ENOX1: variants seen among roughly 807,000 people sequenced by gnomAD.
The protein encoded by ENOX1 is ecto-NOX disulfide-thiol exchanger 1, also known as candidate growth-related and time keeping constitutive hydroquinone (NADH) oxidase.
Under a neutral mutation model 82.5 loss-of-function variants are expected in ENOX1, and 42 were observed. The observed-to-expected ratio is 0.51, with a 90% CI of 0.40 to 0.66. The LOEUF (loss-of-function observed/expected upper bound fraction) is 0.66, where lower values mean the gene tolerates loss of function less well. ENOX1 is among the 30% of genes least tolerant of loss of function. The pLI, the probability that ENOX1 is intolerant of heterozygous loss-of-function variation, is 0.00. For synonymous variants in ENOX1, 271 were observed against 282.2 expected, an observed-to-expected ratio of 0.96 and a Z score of 0.40; for missense variants, 608 against 811.6, an observed-to-expected ratio of 0.75 and a Z score of 3.05.
chr13:43,319,288 C>T (rs2047680419), intron 11 of ENOX1, among the ~76,000 whole-genome samples: 1 of 151,862 alleles, frequency 6.6e-6, no homozygotes, highest in South Asian at 2.1e-4. Flanking sequence ...ACTCCTTTTC[C>T]CCTTTAAGAT....
At chr13:43,225,908 A>G (rs2042004373) in intron 15 of ENOX1, among the ~76,000 whole-genome samples, 1 of 152,204 alleles carries the variant, frequency 6.6e-6, no homozygotes, top group African/African-American at 2.4e-5. Context: ...ACAAAGAACT[A>G]CCACTTCATT....
At chr13:43,643,646 T>TACACACAC in intron 2 of ENOX1, among the ~76,000 whole-genome samples, 1 of 151,280 alleles carries the variant, frequency 6.6e-6, no homozygotes, top group Non-Finnish European at 1.5e-5. Flanking sequence ...TATATATATA[T>TACACACAC]ATACACACAC....
intron 3 of ENOX1, among the ~76,000 whole-genome samples, chr13:43,483,652 A>G (rs895396366): frequency 1.3e-5 from 2 of 152,214 alleles, no homozygotes; most frequent in Admixed American, 6.5e-5. Flanking sequence ...ATTTATCCAC[A>G]AGGTCTTAAA....
chr13:43,543,187 G>GT (rs2078818599), intron 2 of ENOX1, among the ~76,000 whole-genome samples: 2 of 152,110 alleles, frequency 1.3e-5, no homozygotes, highest in South Asian at 4.1e-4. Flanking sequence ...TTCTTCTACT[G>GT]TTTGTTATAG....
intron 11 of ENOX1, among the ~76,000 whole-genome samples, chr13:43,306,340 T>C (rs1273736574): frequency 6.6e-6 from 1 of 152,200 alleles, no homozygotes; most frequent in East Asian, 1.9e-4. Context: ...CCACTCTTCC[T>C]TTTCTTTTAA....
intron 1 of ENOX1, among the ~76,000 whole-genome samples, chr13:43,721,563 A>G (rs2088584075): frequency 6.6e-6 from 1 of 151,532 alleles, no homozygotes. Context: ...TGTTTTTAGT[A>G]GAGACGGGGT....
chr13:43,700,258 G>A (rs421787), intron 1 of ENOX1, among the ~76,000 whole-genome samples: 139,627 of 152,226 alleles, frequency 0.92, 64,323 homozygotes, highest in East Asian at 1. Flanking sequence ...AAATGAACAA[G>A]CTTCAAGAAG....
intron 2 of ENOX1, among the ~76,000 whole-genome samples, chr13:43,538,756 G>A (rs1373699229): frequency 6.6e-6 from 1 of 151,974 alleles, no homozygotes; most frequent in East Asian, 1.9e-4. Context: ...TATAGTTTTA[G>A]TCTCTTCTTT....
intron 3 of ENOX1, among the ~76,000 whole-genome samples, chr13:43,431,358 G>C (rs903617118): frequency 6.6e-6 from 1 of 152,100 alleles, no homozygotes; most frequent in African/African-American, 2.4e-5. Flanking sequence ...GTTCCTCCAG[G>C]TAACTGCGCA....
chr13:43,441,940 C>A (rs12874165), intron 3 of ENOX1, among the ~76,000 whole-genome samples: 6,330 of 151,980 alleles, frequency 0.042, 176 homozygotes, highest in Non-Finnish European at 0.059. Flanking sequence ...ATCAGTTTTA[C>A]TACTTAATTA....
At chr13:43,258,650 A>T (rs2043885122) in intron 14 of ENOX1, among the ~76,000 whole-genome samples, 1 of 152,124 alleles carries the variant, frequency 6.6e-6, no homozygotes, top group Non-Finnish European at 1.5e-5. Context: ...GACCTCAGAC[A>T]TCTACAGATA....
intron 3 of ENOX1, among the ~76,000 whole-genome samples, chr13:43,482,830 T>G (rs1191535393): frequency 1.3e-5 from 2 of 152,110 alleles, no homozygotes; most frequent in East Asian, 3.9e-4. Flanking sequence ...ATACAGTTAT[T>G]AGGTTCCAGC....
chr13:43,240,435 C>G (rs1244846448), intron 14 of ENOX1, among the ~76,000 whole-genome samples: 1 of 152,076 alleles, frequency 6.6e-6, no homozygotes, highest in African/African-American at 2.4e-5. Flanking sequence ...GTTTTCAGTT[C>G]TGCATTTTAG....
intron 1 of ENOX1, among the ~76,000 whole-genome samples, chr13:43,726,749 TGTGTGAGA>T (rs1277879065): frequency 7.2e-6 from 1 of 138,898 alleles, no homozygotes; most frequent in African/African-American, 2.9e-5. Flanking sequence ...TGTGTGTGTG[TGTGTGAGA>T]GAGAGACAGG....
At chr13:43,267,581 C>G (rs1360600173) in intron 13 of ENOX1, among the ~76,000 whole-genome samples, 4 of 152,212 alleles carry the variant, frequency 2.6e-5, no homozygotes, top group African/African-American at 7.2e-5. Context: ...GGCACTGAAA[C>G]TGTTTACGCA....
chr13:43,723,480 G>C (rs555197128), intron 1 of ENOX1, among the ~76,000 whole-genome samples: 1 of 152,164 alleles, frequency 6.6e-6, no homozygotes, highest in Middle Eastern at 3.4e-3. Flanking sequence ...AATTTCAACT[G>C]AAAATTAAGA....
At chr13:43,595,990 C>T (rs1012029144) in intron 2 of ENOX1, among the ~76,000 whole-genome samples, 1 of 152,174 alleles carries the variant, frequency 6.6e-6, no homozygotes, top group East Asian at 1.9e-4. Flanking sequence ...GCAAGTAACG[C>T]ATCATATGGA....
chr13:43,548,631 A>C (rs990822513), intron 2 of ENOX1, among the ~76,000 whole-genome samples: 1 of 152,206 alleles, frequency 6.6e-6, no homozygotes, highest in Admixed American at 6.5e-5. Flanking sequence ...GGGTCTCCTT[A>C]ATCTGGCTGG....
intron 6 of ENOX1, among the ~76,000 whole-genome samples, chr13:43,360,753 A>T (rs2050450223): frequency 6.6e-6 from 1 of 150,958 alleles, no homozygotes; most frequent in African/African-American, 2.4e-5. Context: ...CCATAAACTT[A>T]GTATCTGAGG....
Sources: allele counts gnomAD v4.1 joint callset (sites outside exome capture counted in the v4.1 genomes callset), GRCh38; gene constraint gnomAD v4.1.1; transcripts MANE v1.5; gene names NCBI Gene and HGNC (gene_info 2026-07-23, HGNC 2026-07-21).